HPCAL1: variants seen among roughly 807,000 people sequenced by gnomAD.
The protein encoded by HPCAL1 is hippocalcin-like protein 1.
Under a neutral mutation model 17.1 loss-of-function variants are expected in HPCAL1, and 8 were observed. The observed-to-expected ratio is 0.47, with a 90% CI of 0.27 to 0.84. The LOEUF is 0.84. Ranked by LOEUF, HPCAL1 falls within the 40% of genes least tolerant of loss-of-function variation. The pLI is 0.13. For synonymous variants in HPCAL1, 112 were observed against 111.4 expected, an observed-to-expected ratio of 1.01 and a Z score of -0.03; for missense variants, 165 against 271.1, an observed-to-expected ratio of 0.61 and a Z score of 2.75.
At chr2:10,321,686 CT>C (rs1474406580) in intron 1 of HPCAL1, among the ~76,000 whole-genome samples, 2 of 152,300 alleles carry the variant, frequency 1.3e-5, no homozygotes, top group African/African-American at 4.8e-5. Context: ...GGATTTGCCA[CT>C]TCTGGACATT....
intron 2 of HPCAL1, among the ~76,000 whole-genome samples, chr2:10,407,690 G>A (rs1328939359): frequency 6.6e-6 from 1 of 152,182 alleles, no homozygotes; most frequent in Non-Finnish European, 1.5e-5. Flanking sequence ...GCAAGAACAT[G>A]AACTTGGAGG....
rs1408094540 is a variant in HPCAL1, at chr2:10,362,857, T to G, written c.-110-33978T>G. Among the ~76,000 whole-genome samples the G allele has an allele frequency of 6.6e-6, 1 of 152,020 alleles. No homozygotes were observed. Among genetic ancestry groups the G allele is most frequent in the Non-Finnish European group, 1.5e-5 (1 of 67,992 alleles). On this transcript the variant is annotated intron_variant, in intron 1 of 4. Transcript: ENST00000307845. This position sits in a 1 kb window ranked among gnomAD's most constrained non-coding sequence, Gnocchi z 5.0. ...CAGCTGTGGCCTGTGTTAGAGAGGG[T>G]GAGTTTGGACCATTCCTGAGCAGAG...
At chr2:10,415,222 G>A (rs568293509) in intron 2 of HPCAL1, among the ~76,000 whole-genome samples, 1 of 151,716 alleles carries the variant, frequency 6.6e-6, no homozygotes, top group Non-Finnish European at 1.5e-5. Flanking sequence ...GCCGGCCCTG[G>A]GCTGGGTGTG....
chr2:10,328,702 C>A (rs1207023129), intron 1 of HPCAL1, among the ~76,000 whole-genome samples: 1 of 152,176 alleles, frequency 6.6e-6, no homozygotes, highest in Non-Finnish European at 1.5e-5. Flanking sequence ...TGCGACTCTT[C>A]AGCCTCCATA....
chr2:10,417,707 G>C (rs1278879125), intron 2 of HPCAL1, among the ~76,000 whole-genome samples: 1 of 152,134 alleles, frequency 6.6e-6, no homozygotes, highest in Non-Finnish European at 1.5e-5. Flanking sequence ...GCTGGGTCAA[G>C]GTGAATGTGT....
At chr2:10,393,339 GC>G (rs1271952523) in intron 1 of HPCAL1, among the ~76,000 whole-genome samples, 16 of 152,216 alleles carry the variant, frequency 1.1e-4, no homozygotes, top group Admixed American at 5.2e-4. Flanking sequence ...AGCAGCCTGA[GC>G]GCCAATTCCT....
chr2:10,409,057 G>T (rs1670161652), intron 2 of HPCAL1, among the ~76,000 whole-genome samples: 3 of 152,222 alleles, frequency 2.0e-5, no homozygotes, highest in Admixed American at 2.0e-4. Context: ...TCAAGAAAGA[G>T]AAAGTATTAA....
At chr2:10,408,831 C>A (rs1471095594) in intron 2 of HPCAL1, 1 of 152,202 alleles carries the variant, frequency 6.6e-6, no homozygotes, top group African/African-American at 2.4e-5. Flanking sequence ...CTTGAAGAGT[C>A]CCTGTTTGGT....
At position 10,377,949 on chromosome 2, in the gene HPCAL1, G is replaced by T. The variant is rs1010822317; in HGVS notation, c.-110-18886G>T. ...CGGCGAAGATGCTGGTTGAGGGCAC[G>T]GGTGAGGCGGGGAGGCGTTTCGACT... On this transcript the variant is annotated intron_variant, in intron 1 of 4. Coordinates refer to ENST00000307845, the MANE Select transcript of HPCAL1 (RefSeq NM_002149.4). This position sits in a 1 kb window ranked among gnomAD's most constrained non-coding sequence, Gnocchi z 5.9. Among the ~76,000 whole-genome samples, 1 of 152,218 alleles carries T rather than the reference G, an allele frequency of 6.6e-6. No homozygotes were observed. Among genetic ancestry groups the T allele is most frequent in the Non-Finnish European group, 1.5e-5 (1 of 68,036 alleles).
At chr2:10,324,816 G>GTTTTTTTT (rs3036350) in intron 1 of HPCAL1, among the ~76,000 whole-genome samples, 77 of 66,382 alleles carry the variant, frequency 1.2e-3, no homozygotes, top group Middle Eastern at 0.012. Flanking sequence ...TGGTTTTTGT[G>GTTTTTTTT]TTTTTTTTTT....
intron 1 of HPCAL1, among the ~76,000 whole-genome samples, chr2:10,321,902 C>T (rs751692118): frequency 2.0e-5 from 3 of 152,184 alleles, no homozygotes; most frequent in Non-Finnish European, 4.4e-5. Context: ...TCACTTTTGG[C>T]TATTCTGAAC....
chr2:10,311,821 C>T (rs111277494), intron 1 of HPCAL1, among the ~76,000 whole-genome samples: 8 of 152,228 alleles, frequency 5.3e-5, no homozygotes, highest in East Asian at 3.9e-4. Flanking sequence ...CTGACATCAT[C>T]ACTTTTCTCC....
intron 1 of HPCAL1, among the ~76,000 whole-genome samples, chr2:10,307,881 TG>T (rs1299468037): frequency 2.0e-5 from 3 of 152,214 alleles, no homozygotes; most frequent in African/African-American, 7.2e-5. Flanking sequence ...CACTGTCTTC[TG>T]CCTCCCCAAC....
chr2:10,348,322 A>C (rs947534991), intron 1 of HPCAL1, among the ~76,000 whole-genome samples: 1 of 152,020 alleles, frequency 6.6e-6, no homozygotes, highest in African/African-American at 2.4e-5. Flanking sequence ...GGTGGTACAC[A>C]CCTGTAATCC....
At chr2:10,402,404 G>A (rs941371955) in intron 2 of HPCAL1, among the ~76,000 whole-genome samples, 18 of 152,186 alleles carry the variant, frequency 1.2e-4, no homozygotes, top group African/African-American at 4.3e-4. Flanking sequence ...TCTCCCTGCA[G>A]AATCTGTGGC....
chr2:10,416,605 TC>T (rs1306324027), intron 2 of HPCAL1, among the ~76,000 whole-genome samples: 1 of 152,118 alleles, frequency 6.6e-6, no homozygotes, highest in African/African-American at 2.4e-5. Context: ...AAGATCCCTA[TC>T]TCTACAAACA....
chr2:10,366,267 GCT>G (rs1666845522), intron 1 of HPCAL1, among the ~76,000 whole-genome samples: 1 of 152,020 alleles, frequency 6.6e-6, no homozygotes, highest in Non-Finnish European at 1.5e-5. Flanking sequence ...GACAGTTCTC[GCT>G]CTGTCGCCCA....
chr2:10,402,909 A>G (rs1669716048), intron 2 of HPCAL1, among the ~76,000 whole-genome samples: 1 of 152,162 alleles, frequency 6.6e-6, no homozygotes, highest in Non-Finnish European at 1.5e-5. Context: ...GCGTCTCACA[A>G]ACACCTCTTC....
chr2:10,356,677 A>G (rs1316794404), intron 1 of HPCAL1, among the ~76,000 whole-genome samples: 1 of 152,064 alleles, frequency 6.6e-6, no homozygotes, highest in East Asian at 1.9e-4. Flanking sequence ...GGCCAACAGG[A>G]AATCACGTCC....
Sources: gnomAD v4.1 joint callset for allele counts (sites outside exome capture counted in the v4.1 genomes callset) on GRCh38, gnomAD v4.1.1 for gene constraint, Gnocchi (gnomAD v3.1) non-coding constraint, MANE v1.5 for transcripts, NCBI Gene and HGNC (gene_info 2026-07-23, HGNC 2026-07-21) for gene names.